Variants in COL6A6 observed in about 807,000 individuals in gnomAD.
COL6A6 encodes the protein collagen alpha-6(VI) chain.
In COL6A6, 183 loss-of-function variants were observed where a neutral mutation model predicts 208.6. The observed-to-expected ratio is 0.88, with a 90% CI of 0.78 to 0.99. COL6A6 has a LOEUF of 0.99. Ranked by LOEUF, COL6A6 falls within the 50% of genes least tolerant of loss-of-function variation. The pLI is 0.00. For missense variants in COL6A6, 2,816 were observed against 2,815.2 expected, an observed-to-expected ratio of 1.00 and a Z score of -0.01; for synonymous variants, 973 against 1,011.8, an observed-to-expected ratio of 0.96 and a Z score of 0.73.
At chr3:130,638,538 C>A (rs2065220802) in intron 28 of COL6A6, among the ~76,000 whole-genome samples, 1 of 152,230 alleles carries the variant, frequency 6.6e-6, no homozygotes, top group African/African-American at 2.4e-5. Flanking sequence ...ATCTCTGCTT[C>A]TCATTCTTAT....
intron 19 of COL6A6, among the ~76,000 whole-genome samples, chr3:130,599,311 T>C (rs940694091): frequency 5.3e-5 from 8 of 152,228 alleles, no homozygotes; most frequent in Non-Finnish European, 8.8e-5. Flanking sequence ...CTAGTGATCA[T>C]ACAAGTCTTT....
Position 130,676,359 on chromosome 3 carries a change from C to T in COL6A6, c.*962C>T, listed in dbSNP as rs1559813929. 1 of 152,184 alleles carries T rather than the reference C, an allele frequency of 6.6e-6. No homozygotes were observed. The highest frequency in any genetic ancestry group is 1.5e-5 in the Non-Finnish European group (1 of 68,030). 9.4% of individuals were successfully genotyped at this position (152,184 alleles called of 1,614,324 possible). ...TAATCTACAAATTCATATGCAGTTGCAGAGATGCAAAAGAGATCAGAGTAA... is the reference window on the plus strand; with the variant it reads ...TAATCTACAAATTCATATGCAGTTGTAGAGATGCAAAAGAGATCAGAGTAA... On this transcript the variant is annotated 3_prime_UTR_variant, in exon 37 of 37. Transcript: ENST00000358511.
intron 24 of COL6A6, among the ~76,000 whole-genome samples, chr3:130,624,840 A>C (rs1256217672): frequency 6.6e-6 from 1 of 152,166 alleles, no homozygotes; most frequent in African/African-American, 2.4e-5. Flanking sequence ...CTCATGATTC[A>C]CTGAGATAAA....
chr3:130,563,082 G>C lies in COL6A6; in HGVS notation c.79G>C (p.Asp27His). Residue 27 changes from aspartate (D) to histidine (H), a missense_variant, in exon 3 of 37, where the codon GAT becomes CAT. Physicochemically the swap from Asp to His is moderately conservative, Grantham distance 81. Coordinates refer to ENST00000358511, the MANE Select transcript of COL6A6 (RefSeq NM_001102608.3). ...VNQDSGPEYA[D>H]VVFLVDSSDR... ...TGGTTTTGCAGGCCCTGAGTATGCA[G>C]ATGTTGTGTTTTTGGTGGACAGCTC... The C allele has an allele frequency of 1.9e-6, 3 of 1,611,602 alleles. No individual in the cohort carries two copies. Among genetic ancestry groups the C allele is most frequent in the East Asian group, 4.5e-5 (2 of 44,852 alleles).
Position 130,675,459 on chromosome 3 carries a change from T to A in COL6A6, c.*62T>A. ...TAAGACTCTGGACTTAAATAGTAAC[T>A]AAATCTGCTGCCAGAACTCAAGCAA... On this transcript the variant is annotated 3_prime_UTR_variant, in exon 37 of 37. Coordinates refer to ENST00000358511, the MANE Select transcript of COL6A6 (RefSeq NM_001102608.3). 2 of 1,247,744 alleles carry A rather than the reference T, an allele frequency of 1.6e-6. No individual in the cohort carries two copies. The highest frequency in any genetic ancestry group is 2.2e-6 in the Non-Finnish European group (2 of 913,436). 77.3% of individuals were successfully genotyped at this position (1,247,744 alleles called of 1,614,324 possible). A position where few individuals can be genotyped will look rare whatever the true frequency, so the allele number is the denominator to read the frequency against.
intron 2 of COL6A6, among the ~76,000 whole-genome samples, chr3:130,562,007 G>GAC (rs1447570123): frequency 6.6e-6 from 1 of 152,212 alleles, no homozygotes; most frequent in East Asian, 1.9e-4. Context: ...TGAATGTCTT[G>GAC]ACAGAGCTCA....
chr3:130,614,999 T>G (rs779993950), intron 23 of COL6A6, among the ~76,000 whole-genome samples: 14 of 152,106 alleles, frequency 9.2e-5, no homozygotes, highest in Non-Finnish European at 1.8e-4. Context: ...GTATCTCAGT[T>G]TCCTTCAGTT....
At chr3:130,634,534 G>A in intron 26 of COL6A6, 56 bp from the exon 27 acceptor site, 1 of 1,491,660 alleles carries the variant, frequency 6.7e-7, no homozygotes, top group Non-Finnish European at 9.2e-7. Context: ...GAAAATCAAT[G>A]TAGACTTCAT....
At chr3:130,606,289 C>G (rs1050558421) in intron 20 of COL6A6, among the ~76,000 whole-genome samples, 4 of 152,166 alleles carry the variant, frequency 2.6e-5, no homozygotes, top group African/African-American at 9.7e-5. Context: ...AGACCCTACA[C>G]TTACATATGA....
chr3:130,651,020 T>C (rs1395538017), intron 33 of COL6A6, among the ~76,000 whole-genome samples: 1 of 152,236 alleles, frequency 6.6e-6, no homozygotes, highest in East Asian at 1.9e-4. Flanking sequence ...AGAGTTGGAA[T>C]ATATTTCTCA....
intron 31 of COL6A6, 86 bp downstream of exon 31, chr3:130,643,109 C>T: frequency 7.1e-7 from 1 of 1,415,006 alleles, no homozygotes; most frequent in Non-Finnish European, 9.8e-7. Context: ...ATTGAATTCA[C>T]CAGCCAATTT....
At chr3:130,589,442 A>G (rs566841041) in intron 12 of COL6A6, among the ~76,000 whole-genome samples, 1 of 152,344 alleles carries the variant, frequency 6.6e-6, no homozygotes, top group South Asian at 2.1e-4. Flanking sequence ...TCTAGTACTG[A>G]TGACAATGAT....
chr3:130,637,594 C>G (rs923675010), intron 28 of COL6A6, among the ~76,000 whole-genome samples: 14 of 152,030 alleles, frequency 9.2e-5, no homozygotes, highest in Non-Finnish European at 1.5e-5. Context: ...TGAAAATATC[C>G]AGGTTTTCCC....
chr3:130,580,736 C>T (rs1203162502), intron 8 of COL6A6, among the ~76,000 whole-genome samples: 3 of 152,178 alleles, frequency 2.0e-5, no homozygotes, highest in African/African-American at 7.2e-5. Flanking sequence ...GCCTTTAGGA[C>T]ACTCAGCTTA....
rs753047047 is a variant in COL6A6, at chr3:130,598,370, T to A, written c.4539T>A (p.Ala1513=). Residue 1513 remains alanine (A), a synonymous_variant, in exon 19 of 37, where the codon GCT becomes GCA. Coordinates refer to ENST00000358511, the MANE Select transcript of COL6A6 (RefSeq NM_001102608.3). ...GAKGLRGDPG[A]PGVDSSIEGP... The stretch of plus-strand genomic sequence containing the variant: ...TCTTTATTTTCTATTTTTAGGGAGC[T>A]CCTGGAGTTGACAGTAGCATAGAAG... 8.4e-6 allele frequency: 13 copies of A among 1,544,808 alleles called. 1 individual carries two copies. The South Asian group carries it at 1.6e-4, about 18-fold the overall frequency.
At chr3:130,562,537 A>T (rs966036012) in intron 2 of COL6A6, among the ~76,000 whole-genome samples, 5 of 152,178 alleles carry the variant, frequency 3.3e-5, no homozygotes, top group African/African-American at 1.2e-4. Flanking sequence ...ACTGTTTGGA[A>T]TGTACAACTT....
At position 130,561,634 on chromosome 3, in the gene COL6A6, CTTTTTTTTTTTTTTTT is replaced by C. The variant is rs398052265; in HGVS notation, c.64+1220_64+1235del. Among the ~76,000 whole-genome samples the C allele has an allele frequency of 4.3e-4, 33 of 75,978 alleles. No homozygotes were observed. In the Admixed American group the frequency reaches 4.7e-3, roughly 11 times the overall value. The allele number at this position is 75,978 out of a possible 152,430, so 49.8% of individuals were successfully genotyped here. On this transcript the variant is annotated intron_variant, in intron 2 of 36. Coordinates refer to ENST00000358511, the MANE Select transcript of COL6A6 (RefSeq NM_001102608.3). The stretch of plus-strand genomic sequence containing the variant: ...CTTAGATGTTTTCTAGTTGAATCTA[CTTTTTTTTTTTTTTTT>C]TTTTTTTTTTTTTGAGACGGAGTCT...
chr3:130,626,561 C>T lies in COL6A6; in HGVS notation c.4941+14C>T. The T allele has an allele frequency of 1.9e-6, 3 of 1,598,144 alleles. No homozygotes were observed. Among genetic ancestry groups the T allele is most frequent in the Non-Finnish European group, 2.6e-6 (3 of 1,165,504 alleles). On this transcript the variant is annotated intron_variant, in intron 25 of 36. Transcript: ENST00000358511. The stretch of plus-strand genomic sequence containing the variant: ...CGTGGCTTGCAGGTTTGTATTTTGA[C>T]ACTAGTTTTGATCGGATTCTTGGAA...
At chr3:130,598,051 G>A (rs1046701389) in intron 18 of COL6A6, among the ~76,000 whole-genome samples, 4 of 152,152 alleles carry the variant, frequency 2.6e-5, no homozygotes, top group Non-Finnish European at 5.9e-5. Flanking sequence ...TAACAAGAGG[G>A]ATTTCCTCCA....
Sources: gnomAD v4.1 joint callset for allele counts (sites outside exome capture counted in the v4.1 genomes callset) on GRCh38, gnomAD v4.1.1 for gene constraint, MANE v1.5 for transcripts, NCBI Gene and HGNC (gene_info 2026-07-23, HGNC 2026-07-21) for gene names.